The following DMAC1 variants were observed in gnomAD, a reference collection of about 807,000 sequenced individuals.
The protein encoded by DMAC1 is distal membrane-arm assembly complex protein 1.
In DMAC1, 10 loss-of-function variants were observed where a neutral mutation model predicts 7.0. The observed-to-expected ratio is 1.43, with a 90% CI of 0.88 to 2.43. The LOEUF (loss-of-function observed/expected upper bound fraction) is 2.43. DMAC1 is among the 30% of genes most tolerant of loss of function. DMAC1 has a pLI of 0.00. For synonymous variants in DMAC1, 92 were observed against 66.2 expected (o/e 1.39, Z -1.90); for missense variants, 219 against 158.7 (o/e 1.38, Z -2.04).
chr9:7,798,809 A>G (rs1192500005), intron 1 of DMAC1, among the ~76,000 whole-genome samples, 172 bp from the exon 2 acceptor site: 2 of 152,240 alleles, frequency 1.3e-5, no homozygotes, highest in African/African-American at 4.8e-5. Flanking sequence ...TCAGGAAAAA[A>G]AAGAATATCC....
intron 1 of DMAC1, 30 bp downstream of exon 1, chr9:7,799,431 C>G: frequency 1.9e-6 from 3 of 1,609,878 alleles, no homozygotes; most frequent in Non-Finnish European, 2.5e-6. Flanking sequence ...AGATACCCAA[C>G]CCGCCCAAGT....
At chr9:7,798,807 A>G (rs1480431976) in intron 1 of DMAC1, among the ~76,000 whole-genome samples, 170 bp from the exon 2 acceptor site, 14 of 152,256 alleles carry the variant, frequency 9.2e-5, no homozygotes, top group Admixed American at 9.2e-4. Flanking sequence ...AATCAGGAAA[A>G]AAAAGAATAT....
Position 7,796,583 on chromosome 9 carries a change from C to T in DMAC1, c.*1990G>A, listed in dbSNP as rs1818603654. On this transcript the variant is annotated 3_prime_UTR_variant, in exon 2 of 2. Transcript: ENST00000358227. ...TGAGAAAAACATTAAAATGCTATTA[C>T]AATACAGTTGACCCAAACAACACAG... The T allele has an allele frequency of 6.6e-6, 1 of 152,268 alleles. No homozygotes were observed. The highest frequency in any genetic ancestry group is 1.9e-4 in the East Asian group (1 of 5,166). 9.4% of individuals were successfully genotyped at this position (152,268 alleles called of 1,614,324 possible). A position where few individuals can be genotyped will look rare whatever the true frequency, so the allele number is the denominator to read the frequency against.
chr9:7,798,949 A>T (rs1051790543), intron 1 of DMAC1, among the ~76,000 whole-genome samples: 4 of 152,212 alleles, frequency 2.6e-5, no homozygotes, highest in Admixed American at 6.5e-5. Flanking sequence ...TGACGATCAC[A>T]GAACGGGGCT....
rs138797325 is a variant in DMAC1 at position 7,798,634 on chromosome 9, A to G, written c.278T>C (p.Ile93Thr). Residue 93 changes from isoleucine (I) to threonine (T), a missense_variant, in exon 2 of 2, where the codon ATT becomes ACT. Ile to Thr is a moderately conservative substitution (Grantham distance 89). Coordinates refer to ENST00000358227, the MANE Select transcript of DMAC1 (RefSeq NM_033428.3). ...CATGACAACGATACCCCAGGTGGCA[A>G]TGCCTAGAAAAAAAACAACAATACC... ...TITQMVIGLS[I>T]ATWGIVVMAD... 24 of 1,565,978 alleles carry G rather than the reference A, an allele frequency of 1.5e-5. No individual in the cohort carries two copies. Among genetic ancestry groups the G allele is most frequent in the Non-Finnish European group, 2.0e-5 (23 of 1,151,762 alleles).
At position 7,799,458 on chromosome 9, in the gene DMAC1, C is replaced by T. The variant is rs111704994; in HGVS notation, c.274+3G>A. 1 of 1,612,380 alleles carries T rather than the reference C, an allele frequency of 6.2e-7. No individual in the cohort carries two copies. Among genetic ancestry groups the T allele is most frequent in the Non-Finnish European group, 8.5e-7 (1 of 1,179,994 alleles). On this transcript the variant is annotated splice_donor_region_variant and intron_variant, in intron 1 of 1. Transcript: ENST00000358227. ...CGCCCAAGTGCTGTGCCTTGATTCT[C>T]ACTGAGGCCGATGACCATCTGCGTA...
chr9:7,799,433 C>T, intron 1 of DMAC1, 28 bp downstream of exon 1: 1 of 1,610,090 alleles, frequency 6.2e-7, no homozygotes, highest in Non-Finnish European at 8.5e-7. Context: ...ATACCCAACC[C>T]GCCCAAGTGC....
chr9:7,798,616 A>G lies in DMAC1; in HGVS notation c.296T>C (p.Val99Ala), dbSNP rs775131325. Reference sequence around the variant, plus strand: ...CTTCCCTTTGGGGTCTGCCATGACAACGATACCCCAGGTGGCAATGCCTAG... The same window carrying G: ...CTTCCCTTTGGGGTCTGCCATGACAGCGATACCCCAGGTGGCAATGCCTAG... ...IGLSIATWGI[V>A]VMADPKGKAY... Residue 99 changes from valine to alanine, a missense_variant, in exon 2 of 2, where the codon GTT becomes GCT. Coordinates refer to ENST00000358227, the MANE Select transcript of DMAC1 (RefSeq NM_033428.3). The G allele has an allele frequency of 6.3e-7, 1 of 1,593,242 alleles. No individual in the cohort carries two copies. Among genetic ancestry groups the G allele is most frequent in the Admixed American group, 1.7e-5 (1 of 57,932 alleles).
Position 7,799,705 on chromosome 9 carries a change from C to A in DMAC1, c.30G>T (p.Glu10Asp). 6.4e-7 allele frequency: 1 copy of A among 1,570,660 alleles called. No homozygotes were observed. Among genetic ancestry groups the A allele is most frequent in the Non-Finnish European group, 8.6e-7 (1 of 1,162,200 alleles). Residue 10 changes from glutamate (E) to aspartate (D), a missense_variant, in exon 1 of 2, where the codon GAG becomes GAT. Physicochemically the swap from Glu to Asp is conservative, Grantham distance 45. Coordinates refer to ENST00000358227, the MANE Select transcript of DMAC1 (RefSeq NM_033428.3). ...TACCGGGAGGCGCAGTGATATAGGA[C>A]TCAAAAGGCTGGGACAACCGAGACC... MGSRLSQPF[E>D]SYITAPPGTA...
In DMAC1 at chr9:7,798,343, G is replaced by C. The variant is rs1018119499; in HGVS notation, c.*230C>G. 2.2e-5 allele frequency: 11 copies of C among 496,430 alleles called. No individual in the cohort carries two copies. Among genetic ancestry groups the C allele is most frequent in the African/African-American group, 2.1e-4 (11 of 52,688 alleles). The allele number at this position is 496,430 out of a possible 1,614,324, so 30.8% of individuals were successfully genotyped here. Reference sequence around the variant, plus strand: ...CTTCCCCAGATAAGACAAAGAACCTGTTTACTTCTCTGAGGGATTTATTGG... The same window carrying C: ...CTTCCCCAGATAAGACAAAGAACCTCTTTACTTCTCTGAGGGATTTATTGG... On this transcript the variant is annotated 3_prime_UTR_variant, in exon 2 of 2. Coordinates refer to ENST00000358227, the MANE Select transcript of DMAC1 (RefSeq NM_033428.3).
chr9:7,799,356 C>A, intron 1 of DMAC1, 105 bp downstream of exon 1: 1 of 1,371,104 alleles, frequency 7.3e-7, no homozygotes, highest in Non-Finnish European at 9.6e-7. Flanking sequence ...ACCTGACCAG[C>A]GGCAGCACCC....
rs1446369411 is a variant in DMAC1 at position 7,799,706 on chromosome 9, T to G, written c.29A>C (p.Glu10Ala). ...ACCGGGAGGCGCAGTGATATAGGAC[T>G]CAAAAGGCTGGGACAACCGAGACCC... is the stretch of plus-strand genomic sequence containing the variant. MGSRLSQPF[E>A]SYITAPPGTA... is the part of the protein sequence containing the mutation. The change falls in exon 1 of 2, where the codon GAG (glutamate) becomes GCG (alanine). Residue 10 changes from glutamate (E) to alanine (A), a missense_variant. Transcript: ENST00000358227. 2 of 1,569,614 alleles carry G rather than the reference T, an allele frequency of 1.3e-6. No individual in the cohort carries two copies. Among genetic ancestry groups the G allele is most frequent in the Non-Finnish European group, 8.6e-7 (1 of 1,161,554 alleles).
Position 7,799,443 on chromosome 9 carries a change from C to G in DMAC1, c.274+18G>C. ...CGCAGATACCCAACCCGCCCAAGTG[C>G]TGTGCCTTGATTCTCACTGAGGCCG... is the stretch of plus-strand genomic sequence containing the variant. On this transcript the variant is annotated intron_variant, in intron 1 of 1. Coordinates refer to ENST00000358227, the MANE Select transcript of DMAC1 (RefSeq NM_033428.3). 3.1e-6 allele frequency: 5 copies of G among 1,611,996 alleles called. No homozygotes were observed. The highest frequency in any genetic ancestry group is 4.2e-6 in the Non-Finnish European group (5 of 1,179,856).
Position 7,799,760 on chromosome 9 carries a change from G to A in DMAC1, c.-26C>T. 6 of 1,500,454 alleles carry A rather than the reference G, an allele frequency of 4.0e-6. No individual in the cohort carries two copies. Among genetic ancestry groups the A allele is most frequent in the East Asian group, 2.3e-5 (1 of 43,578 alleles). 92.9% of individuals were successfully genotyped at this position (1,500,454 alleles called of 1,614,324 possible). A position where few individuals can be genotyped will look rare whatever the true frequency, so the allele number is the denominator to read the frequency against. On this transcript the variant is annotated 5_prime_UTR_variant, in exon 1 of 2. Transcript: ENST00000358227. ...GCTCTGGAACTCGGCCTCAACCTTG[G>A]GCGTCTTTGGTTCAAACTGGCGTAA... is the stretch of plus-strand genomic sequence containing the variant.
At chr9:7,799,316 C>T in intron 1 of DMAC1, 145 bp downstream of exon 1, 4 of 1,082,046 alleles carry the variant, frequency 3.7e-6, no homozygotes, top group Non-Finnish European at 5.3e-6. Context: ...CAACAACTTC[C>T]TCTCCCACCT....
In DMAC1 at chr9:7,798,100, A is replaced by T. The variant is rs1454618458; in HGVS notation, c.*473T>A. 5 of 152,724 alleles carry T rather than the reference A, an allele frequency of 3.3e-5. No homozygotes were observed. Among genetic ancestry groups the T allele is most frequent in the African/African-American group, 1.2e-4 (5 of 41,452 alleles). 9.5% of individuals were successfully genotyped at this position (152,724 alleles called of 1,614,324 possible). On this transcript the variant is annotated 3_prime_UTR_variant, in exon 2 of 2. Coordinates refer to ENST00000358227, the MANE Select transcript of DMAC1 (RefSeq NM_033428.3). ...AGTTGTTGATCCAATTATGAAAGAA[A>T]TAAAAAGAACTCTTTAAAATAATGA...
At chr9:7,798,862 T>C (rs1401516125) in intron 1 of DMAC1, among the ~76,000 whole-genome samples, 1 of 152,080 alleles carries the variant, frequency 6.6e-6, no homozygotes, top group Non-Finnish European at 1.5e-5. Context: ...GGTAAGACAG[T>C]TAGAAACCTA....
At position 7,799,598 on chromosome 9, in the gene DMAC1, G is replaced by A. The variant is rs766920814; in HGVS notation, c.137C>T (p.Thr46Ile). Residue 46 changes from threonine (T) to isoleucine (I), a missense_variant, in exon 1 of 2, where the codon ACC becomes ATC. By Grantham distance (89) the Thr-to-Ile change is moderately conservative (BLOSUM62 -1). Transcript: ENST00000358227. ...TSPAEHRLLKTCWSCRVLSGL... is the reference protein window; with the variant it reads ...TSPAEHRLLKICWSCRVLSGL... The stretch of plus-strand genomic sequence containing the variant: ...AGAAAGCACGCGACAGCTCCAGCAG[G>A]TCTTCAACAGGCGGTGTTCTGCTGG... The A allele has an allele frequency of 2.5e-6, 4 of 1,613,614 alleles. No individual in the cohort carries two copies. Among genetic ancestry groups the A allele is most frequent in the East Asian group, 2.2e-5 (1 of 44,838 alleles).
rs779833544 is a variant in DMAC1, at chr9:7,799,702, G to A, written c.33C>T (p.Ser11=). 12 of 1,573,796 alleles carry A rather than the reference G, an allele frequency of 7.6e-6. No individual in the cohort carries two copies. Among genetic ancestry groups the A allele is most frequent in the Non-Finnish European group, 1.0e-5 (12 of 1,163,718 alleles). ...CGGTACCGGGAGGCGCAGTGATATA[G>A]GACTCAAAAGGCTGGGACAACCGAG... MGSRLSQPFE[S]YITAPPGTAA... is the part of the protein sequence containing the mutation. Residue 11 remains serine (S), a synonymous_variant, in exon 1 of 2, where the codon TCC becomes TCT. Transcript: ENST00000358227.
Sources: allele counts gnomAD v4.1 joint callset (sites outside exome capture counted in the v4.1 genomes callset), GRCh38; gene constraint gnomAD v4.1.1; transcripts MANE v1.5; gene names NCBI Gene and HGNC (gene_info 2026-07-23, HGNC 2026-07-21).